The following GABRA2 variants were observed in gnomAD, a reference collection of about 807,000 sequenced individuals.
GABRA2 encodes gamma-aminobutyric acid receptor subunit alpha-2.
Under a neutral mutation model 48.7 loss-of-function variants are expected in GABRA2, and 16 were observed. The ratio of observed to expected loss-of-function variants is 0.33; its 90% CI spans 0.22 to 0.50. The LOEUF is 0.50. Among genes scored for constraint, GABRA2 ranks in the 20% least tolerant of loss-of-function variants. The probability of loss-of-function intolerance (pLI) is 0.98; values close to 1 mark genes in which losing one functional copy is unlikely to be tolerated. For missense variants in GABRA2, 275 were observed against 535.6 expected (o/e 0.51, Z 4.80); for synonymous variants, 185 against 184.5 (o/e 1.00, Z -0.02).
At chr4:46,339,577 C>T (rs538781504) in intron 3 of GABRA2, among the ~76,000 whole-genome samples, 5 of 151,874 alleles carry the variant, frequency 3.3e-5, no homozygotes, top group Non-Finnish European at 7.4e-5. Context: ...AAGAGAGATA[C>T]TATGCAAAAA....
chr4:46,389,253 T>C (rs765045166), intron 1 of GABRA2: 4 of 985,478 alleles, frequency 4.1e-6, no homozygotes, highest in Non-Finnish European at 3.6e-6. Context: ...GGTCCTCACG[T>C]CTTCTTTTCT....
chr4:46,371,565 A>G (rs999041003), intron 3 of GABRA2, among the ~76,000 whole-genome samples: 6 of 151,436 alleles, frequency 4.0e-5, no homozygotes, highest in Non-Finnish European at 5.9e-5. Flanking sequence ...ATTAGTTTTA[A>G]TTTTTTCTAC....
At chr4:46,318,164 C>A (rs1197265357) in intron 4 of GABRA2, among the ~76,000 whole-genome samples, 1 of 150,950 alleles carries the variant, frequency 6.6e-6, no homozygotes, top group Non-Finnish European at 1.5e-5. Context: ...AAATAATAAA[C>A]CATTTAAACA....
chr4:46,254,452 G>T (rs534068852), intron 9 of GABRA2, among the ~76,000 whole-genome samples: 3 of 151,424 alleles, frequency 2.0e-5, no homozygotes, highest in African/African-American at 7.2e-5. Flanking sequence ...AGAAAAGTTC[G>T]GATAGTTCTG....
chr4:46,372,697 TATTCCAA>T (rs1715083136), intron 3 of GABRA2, among the ~76,000 whole-genome samples: 1 of 152,216 alleles, frequency 6.6e-6, no homozygotes, highest in African/African-American at 2.4e-5. Flanking sequence ...TTGATAATTT[TATTCCAA>T]TGCTAAAGAG....
At chr4:46,256,564 C>T (rs1715881508) in intron 9 of GABRA2, among the ~76,000 whole-genome samples, 1 of 151,356 alleles carries the variant, frequency 6.6e-6, no homozygotes, top group Non-Finnish European at 1.5e-5. Flanking sequence ...TAACTCTTCC[C>T]TCCCCCAAGG....
In GABRA2 at chr4:46,307,936, A is replaced by G. The variant is rs1329203999; in HGVS notation, c.560-2225T>C. 9.2e-5 allele frequency among the ~76,000 whole-genome samples: 14 copies of G among 152,314 alleles called. No individual in the cohort carries two copies. In the East Asian group the frequency reaches 2.3e-3, roughly 25 times the overall value. On this transcript the variant is annotated intron_variant, in intron 6 of 9. Coordinates refer to ENST00000381620, the MANE Select transcript of GABRA2 (RefSeq NM_000807.4). ...ACACACATATAAGCCGAGAGGTCAT[A>G]ATAATGTTTCTCAATAAAGTATCAA...
intron 8 of GABRA2, among the ~76,000 whole-genome samples, chr4:46,287,767 T>C (rs984173834): frequency 1.3e-5 from 2 of 151,790 alleles, no homozygotes; most frequent in African/African-American, 2.4e-5. Flanking sequence ...TACCCTAAAA[T>C]TTAAAGTATA....
intron 5 of GABRA2, among the ~76,000 whole-genome samples, chr4:46,310,593 A>G (rs910946836): frequency 3.3e-5 from 5 of 152,174 alleles, no homozygotes; most frequent in African/African-American, 1.2e-4. Context: ...AAAAATCTCT[A>G]TCATTAAAAG....
chr4:46,374,531 C>T (rs931526795), intron 3 of GABRA2, among the ~76,000 whole-genome samples: 6 of 152,018 alleles, frequency 3.9e-5, no homozygotes, highest in African/African-American at 1.2e-4. Context: ...TTCAACTTTC[C>T]TTAACCTGGA....
chr4:46,309,930 T>A (rs1727348138), intron 6 of GABRA2, among the ~76,000 whole-genome samples: 1 of 152,138 alleles, frequency 6.6e-6, no homozygotes, highest in African/African-American at 2.4e-5. Context: ...CTGGTCTAAT[T>A]TTACACATGT....
intron 9 of GABRA2, among the ~76,000 whole-genome samples, chr4:46,260,047 A>G (rs2109342981): frequency 6.6e-6 from 1 of 151,908 alleles, no homozygotes; most frequent in South Asian, 2.1e-4. Context: ...TTTTTACAAA[A>G]CTTTCCATGA....
In GABRA2 at chr4:46,263,909, C is replaced by T. The variant is rs576163830; in HGVS notation, c.857-1781G>A. 3.9e-5 allele frequency among the ~76,000 whole-genome samples: 5 copies of T among 129,548 alleles called. No homozygotes were observed. In the Admixed American group the frequency reaches 3.9e-4, roughly 10 times the overall value. 85.0% of individuals were successfully genotyped at this position (129,548 alleles called of 152,430 possible). On this transcript the variant is annotated intron_variant, in intron 8 of 9. Transcript: ENST00000381620. ...AACACAGGATATATTTCCATTAGATCAATTCTCTCTCTCTCTCTCTCTCTC... is the reference window on the plus strand; with the variant it reads ...AACACAGGATATATTTCCATTAGATTAATTCTCTCTCTCTCTCTCTCTCTC...
At chr4:46,355,035 T>A (rs1735741353) in intron 3 of GABRA2, among the ~76,000 whole-genome samples, 1 of 152,122 alleles carries the variant, frequency 6.6e-6, no homozygotes, top group African/African-American at 2.4e-5. Flanking sequence ...CTGAGTAGAC[T>A]CTTAATATGT....
intron 8 of GABRA2, among the ~76,000 whole-genome samples, chr4:46,280,564 A>AT: frequency 6.6e-6 from 1 of 152,200 alleles, no homozygotes; most frequent in Non-Finnish European, 1.5e-5. Context: ...CAAGTATGAC[A>AT]TTGATCTGAC....
intron 4 of GABRA2, among the ~76,000 whole-genome samples, chr4:46,327,092 T>C (rs1730519057): frequency 6.6e-6 from 1 of 151,946 alleles, no homozygotes; most frequent in Admixed American, 6.6e-5. Context: ...TAAAACAGAT[T>C]TCTAACTAGT....
chr4:46,328,779 A>G (rs1168155061), intron 4 of GABRA2, among the ~76,000 whole-genome samples: 1 of 152,068 alleles, frequency 6.6e-6, no homozygotes, highest in Non-Finnish European at 1.5e-5. Flanking sequence ...TTAGAGTGTC[A>G]CAGCCACGTC....
chr4:46,314,959 G>A (rs534507225), intron 4 of GABRA2, among the ~76,000 whole-genome samples: 3 of 152,162 alleles, frequency 2.0e-5, no homozygotes, highest in South Asian at 2.1e-4. Flanking sequence ...ATGCATGCAT[G>A]TGTCTTTTTG....
intron 9 of GABRA2, chr4:46,260,970 C>A (rs1716844596): frequency 1.3e-5 from 2 of 151,714 alleles, no homozygotes; most frequent in South Asian, 4.2e-4. Context: ...ATTCAAATAA[C>A]TGAAAAAGAA....
Sources: gnomAD v4.1 joint callset for allele counts (sites outside exome capture counted in the v4.1 genomes callset) on GRCh38, gnomAD v4.1.1 for gene constraint, MANE v1.5 for transcripts, NCBI Gene and HGNC (gene_info 2026-07-23, HGNC 2026-07-21) for gene names.